SLC35F4: variants seen among roughly 807,000 people sequenced by gnomAD.
SLC35F4 encodes solute carrier family 35 member F4.
A neutral mutation model predicts 44.2 loss-of-function variants in SLC35F4; 24 were observed. The ratio of observed to expected loss-of-function variants is 0.54; its 90% confidence interval spans 0.39 to 0.76. The LOEUF is 0.76. Among genes scored for constraint, SLC35F4 ranks in the 30% least tolerant of loss-of-function variants. The probability of loss-of-function intolerance (pLI) is 0.00; values close to 1 mark genes in which losing one functional copy is unlikely to be tolerated. For synonymous variants in SLC35F4, 238 were observed against 223.6 expected (o/e 1.06, Z -0.57); for missense variants, 562 against 586.1 (o/e 0.96, Z 0.42).
At chr14:57,968,974 C>T (rs1458753127) in intron 1 of SLC35F4, among the ~76,000 whole-genome samples, 5 of 152,100 alleles carry the variant, frequency 3.3e-5, no homozygotes, top group East Asian at 1.9e-4. Context: ...TCTAACAAAG[C>T]GTATATTAGG....
intron 1 of SLC35F4, among the ~76,000 whole-genome samples, chr14:57,919,103 G>A (rs973236810): frequency 9.2e-5 from 14 of 152,274 alleles, no homozygotes; most frequent in African/African-American, 2.6e-4. Flanking sequence ...TCCATGGTTT[G>A]GATGCAGAAG....
At chr14:57,586,750 CTT>C (rs1337015585) in intron 3 of SLC35F4, among the ~76,000 whole-genome samples, 1 of 90,446 alleles carries the variant, frequency 1.1e-5, no homozygotes, top group Non-Finnish European at 2.3e-5. Context: ...AAAAAAAAGA[CTT>C]CATGACTAAA....
intron 1 of SLC35F4, among the ~76,000 whole-genome samples, chr14:57,729,522 A>G (rs1371008470): frequency 1.3e-5 from 2 of 152,134 alleles, no homozygotes; most frequent in Non-Finnish European, 2.9e-5. Flanking sequence ...GGATGTATCT[A>G]GAAATGTCCA....
intron 1 of SLC35F4, among the ~76,000 whole-genome samples, chr14:57,714,844 A>G (rs563414872): frequency 1.3e-5 from 2 of 152,316 alleles, no homozygotes; most frequent in African/African-American, 4.8e-5. Flanking sequence ...GAGCAGAAGG[A>G]CAGACACTTA....
At chr14:57,960,139 G>T (rs1890312687) in intron 1 of SLC35F4, among the ~76,000 whole-genome samples, 1 of 152,202 alleles carries the variant, frequency 6.6e-6, no homozygotes, top group Admixed American at 6.5e-5. Context: ...ACATGGTAAG[G>T]GTTATGTGTG....
chr14:57,621,882 C>T (rs2072199976), intron 1 of SLC35F4, among the ~76,000 whole-genome samples: 1 of 150,360 alleles, frequency 6.7e-6, no homozygotes, highest in South Asian at 2.1e-4. Flanking sequence ...GAACAGGCAA[C>T]CCACAAAATG....
At chr14:57,672,102 A>G (rs1219670294) in intron 1 of SLC35F4, among the ~76,000 whole-genome samples, 6 of 152,206 alleles carry the variant, frequency 3.9e-5, no homozygotes, top group South Asian at 2.1e-4. Context: ...TTATAACTCA[A>G]TGATTTACTT....
intron 1 of SLC35F4, among the ~76,000 whole-genome samples, chr14:57,937,528 C>A (rs1304358698): frequency 1.6e-5 from 2 of 121,966 alleles, no homozygotes; most frequent in Non-Finnish European, 1.7e-5. Flanking sequence ...GGCAAAATTA[C>A]AATAATGATG....
intron 1 of SLC35F4, among the ~76,000 whole-genome samples, chr14:57,906,869 G>C (rs1889112187): frequency 6.6e-6 from 1 of 152,174 alleles, no homozygotes; most frequent in South Asian, 2.1e-4. Context: ...TCATGTATGT[G>C]TTTCCACAGA....
intron 1 of SLC35F4, among the ~76,000 whole-genome samples, chr14:57,749,742 T>C (rs2076839523): frequency 6.6e-6 from 1 of 152,188 alleles, no homozygotes; most frequent in African/African-American, 2.4e-5. Flanking sequence ...CCAACTATGC[T>C]GTTCTTTCAC....
intron 1 of SLC35F4, among the ~76,000 whole-genome samples, chr14:57,949,658 G>A (rs1027770630): frequency 6.6e-6 from 1 of 152,068 alleles, no homozygotes; most frequent in Non-Finnish European, 1.5e-5. Context: ...CTATTTTGGT[G>A]TACTCTGAGG....
intron 1 of SLC35F4, among the ~76,000 whole-genome samples, chr14:57,786,974 A>G (rs138248812): frequency 0.01 from 1,595 of 152,338 alleles, 27 homozygotes; most frequent in African/African-American, 0.036. Flanking sequence ...TCAGGGAGGC[A>G]CCAGAGAAAG....
downstream of SLC35F4, among the ~76,000 whole-genome samples, chr14:57,974,083 A>T (rs1263231867): frequency 6.6e-6 from 1 of 152,110 alleles, no homozygotes; most frequent in Non-Finnish European, 1.5e-5. Context: ...TAGACGGGTG[A>T]TTCTTCTGTT....
intron 1 of SLC35F4, among the ~76,000 whole-genome samples, chr14:57,732,445 T>C (rs537287687): frequency 2.6e-5 from 4 of 152,310 alleles, no homozygotes; most frequent in Admixed American, 2.6e-4. Flanking sequence ...CAAAATGCTG[T>C]AGGAGTGAAA....
At chr14:57,641,073 T>G (rs923636221) in intron 1 of SLC35F4, among the ~76,000 whole-genome samples, 1 of 151,906 alleles carries the variant, frequency 6.6e-6, no homozygotes, top group Non-Finnish European at 1.5e-5. Context: ...ATCAATACAA[T>G]GTTATAAAGA....
intron 1 of SLC35F4, among the ~76,000 whole-genome samples, chr14:57,610,664 G>T (rs1760590831): frequency 6.6e-6 from 1 of 152,156 alleles, no homozygotes; most frequent in African/African-American, 2.4e-5. Flanking sequence ...TGCTTTATGT[G>T]CTTGTGTCTC....
Position 57,589,329 on chromosome 14 carries a change from G to C in SLC35F4, c.474C>G (p.Cys158Trp). ...TTGAAAACCAAGTCATGAAAAATGGGCAATAGAAGTTCTTATAAGTAATTT... is the reference window on the plus strand; with the variant it reads ...TTGAAAACCAAGTCATGAAAAATGGCCAATAGAAGTTCTTATAAGTAATTT... ...IVKITYKNFY[C>W]PFFMTWFSTN... The change falls in exon 3 of 8, where the codon TGC becomes TGG. Residue 158 changes from cysteine to tryptophan, a missense_variant. By Grantham distance (215) the Cys-to-Trp change is radical. Transcript: ENST00000556826. The C allele has an allele frequency of 1.9e-6, 3 of 1,613,932 alleles. No individual in the cohort carries two copies. The highest frequency in any genetic ancestry group is 2.5e-6 in the Non-Finnish European group (3 of 1,179,878).
intron 1 of SLC35F4, among the ~76,000 whole-genome samples, chr14:57,747,968 G>A (rs1594951247): frequency 6.6e-6 from 1 of 152,150 alleles, no homozygotes; most frequent in Non-Finnish European, 1.5e-5. Context: ...TCACTTTTAG[G>A]AGCATTTACT....
At chr14:57,879,876 A>C (rs780279707) in intron 1 of SLC35F4, among the ~76,000 whole-genome samples, 1 of 151,760 alleles carries the variant, frequency 6.6e-6, no homozygotes, top group Non-Finnish European at 1.5e-5. Flanking sequence ...ATAAAACTCT[A>C]TATTTAGCAC....
Sources: gnomAD v4.1 joint callset for allele counts (sites outside exome capture counted in the v4.1 genomes callset) on GRCh38, gnomAD v4.1.1 for gene constraint, MANE v1.5 for transcripts, NCBI Gene and HGNC (gene_info 2026-07-23, HGNC 2026-07-21) for gene names.